Variants in PTPN3 observed in about 807,000 individuals in gnomAD.
PTPN3 encodes tyrosine-protein phosphatase non-receptor type 3.
PTPN3 carries 96 observed loss-of-function variants against 132.7 expected under a neutral mutation model. That is an observed-to-expected ratio of 0.72 (90% CI 0.61 to 0.86). The LOEUF (loss-of-function observed/expected upper bound fraction) is 0.86, where lower values mean the gene tolerates loss of function less well. Among genes scored for constraint, PTPN3 ranks in the 40% least tolerant of loss-of-function variants. The probability of loss-of-function intolerance (pLI) is 0.00; values close to 1 mark genes in which losing one functional copy is unlikely to be tolerated. For synonymous variants in PTPN3, 398 were observed against 429.0 expected (o/e 0.93, Z 0.89); for missense variants, 1,125 against 1,159.6 (o/e 0.97, Z 0.43).
At position 109,391,554 on chromosome 9, in the gene PTPN3, T is replaced by C; in HGVS notation, c.1961A>G (p.Tyr654Cys). The change falls in exon 20 of 26, where the codon TAC becomes TGC. Residue 654 changes from tyrosine (Y) to cysteine (C), a missense_variant. Transcript: ENST00000374541. ...GTVLIQFEQLYRKKPGLAITF... is the reference protein window; with the variant it reads ...GTVLIQFEQLCRKKPGLAITF... Reference sequence around the variant, plus strand: ...GATGGCCAAACCTGGCTTTTTTCTGTAGAGTTGCTATGTGAGAAATAGAGA... The same window carrying C: ...GATGGCCAAACCTGGCTTTTTTCTGCAGAGTTGCTATGTGAGAAATAGAGA... 6.2e-7 allele frequency: 1 copy of C among 1,612,720 alleles called. No individual in the cohort carries two copies. The highest frequency in any genetic ancestry group is 8.5e-7 in the Non-Finnish European group (1 of 1,179,108).
At chr9:109,452,190 C>A (rs983309980) in intron 5 of PTPN3, among the ~76,000 whole-genome samples, 2 of 149,906 alleles carry the variant, frequency 1.3e-5, no homozygotes, top group Non-Finnish European at 3.0e-5. Context: ...ATCGCTTGAA[C>A]CCGGGAGGCC....
intron 22 of PTPN3, among the ~76,000 whole-genome samples, chr9:109,383,754 G>A (rs1214704393): frequency 1.3e-5 from 2 of 152,110 alleles, no homozygotes; most frequent in African/African-American, 2.4e-5. Context: ...ACAGGTCTCC[G>A]CTCAGCCCCA....
chr9:109,470,855 C>G (rs182176082), intron 1 of PTPN3, among the ~76,000 whole-genome samples: 1 of 152,214 alleles, frequency 6.6e-6, no homozygotes, highest in East Asian at 1.9e-4. Context: ...TTAAAACTAG[C>G]GTACACAAGA....
the PTPN3 span, chr9:109,533,350 T>A: frequency 1.8e-6 from 1 of 544,266 alleles, no homozygotes; most frequent in Non-Finnish European, 3.3e-6. Flanking sequence ...TTCACCTTGT[T>A]AGCCAGGATG....
the PTPN3 span, among the ~76,000 whole-genome samples, chr9:109,538,321 A>G: frequency 6.6e-6 from 1 of 152,260 alleles, no homozygotes; most frequent in South Asian, 2.1e-4. Flanking sequence ...AATCCTTTAC[A>G]TAGCACTTAA....
At chr9:109,516,346 G>A in the PTPN3 span, among the ~76,000 whole-genome samples, 6 of 152,200 alleles carry the variant, frequency 3.9e-5, no homozygotes, top group Non-Finnish European at 5.9e-5. Flanking sequence ...GTACGAGTAC[G>A]ATACTGAGGG....
At chr9:109,468,900 A>G (rs1001981425) in intron 1 of PTPN3, among the ~76,000 whole-genome samples, 2 of 152,234 alleles carry the variant, frequency 1.3e-5, no homozygotes, top group African/African-American at 4.8e-5. Context: ...GGCAATCCTG[A>G]TTTCAAACGA....
In PTPN3 at chr9:109,462,758, G is replaced by C. The variant is rs1032220414; in HGVS notation, c.138+539C>G. On this transcript the variant is annotated intron_variant, in intron 2 of 25. Coordinates refer to ENST00000374541, the MANE Select transcript of PTPN3 (RefSeq NM_002829.4). ...CCTCCCCAAGCCCTGCCATCTGTGAGGCTGATTGTTTCACAACCCACTCAC... is the reference window on the plus strand; with the variant it reads ...CCTCCCCAAGCCCTGCCATCTGTGACGCTGATTGTTTCACAACCCACTCAC... Among the ~76,000 whole-genome samples, 4 of 152,042 alleles carry C rather than the reference G, an allele frequency of 2.6e-5. 1 individual carries two copies. Among genetic ancestry groups the C allele is most frequent in the Non-Finnish European group, 5.9e-5 (4 of 68,030 alleles).
intron 1 of PTPN3, among the ~76,000 whole-genome samples, chr9:109,490,924 C>T (rs767254156): frequency 3.3e-5 from 5 of 149,860 alleles, no homozygotes; most frequent in African/African-American, 7.4e-5. Flanking sequence ...CTAGGCCGGG[C>T]GCAGTGGCTC....
chr9:109,418,547 C>T (rs1424272615), intron 14 of PTPN3, among the ~76,000 whole-genome samples: 1 of 152,166 alleles, frequency 6.6e-6, no homozygotes, highest in Non-Finnish European at 1.5e-5. Flanking sequence ...ATGCACTTTT[C>T]GCTTGTAGAT....
At chr9:109,529,416 A>C in the PTPN3 span, among the ~76,000 whole-genome samples, 1 of 149,530 alleles carries the variant, frequency 6.7e-6, no homozygotes, top group Non-Finnish European at 1.5e-5. Context: ...TCTGAGAACC[A>C]CTGTCCGAGA....
chr9:109,437,996 G>A (rs575037945), intron 8 of PTPN3, 118 bp downstream of exon 8: 17 of 1,270,676 alleles, frequency 1.3e-5, no homozygotes, highest in African/African-American at 9.1e-5. Context: ...AAAAACCCCC[G>A]ACATCTTGAA....
intron 1 of PTPN3, 96 bp from the exon 2 acceptor site, chr9:109,463,547 T>A: frequency 8.6e-7 from 1 of 1,167,118 alleles, no homozygotes; most frequent in Admixed American, 2.6e-5. Flanking sequence ...CTCGATACTG[T>A]CTGACGGACT....
Position 109,391,118 on chromosome 9 carries a change from C to T in PTPN3, c.2106+20G>A, listed in dbSNP as rs1564380906. ...CAGTGGTGAATGTGCTCTTAAGCAT[C>T]ATCCAGATTCCTAACTTACGTTCAC... On this transcript the variant is annotated intron_variant, in intron 21 of 25. Transcript: ENST00000374541. The T allele has an allele frequency of 1.2e-6, 2 of 1,604,152 alleles. No homozygotes were observed. Among genetic ancestry groups the T allele is most frequent in the Non-Finnish European group, 1.7e-6 (2 of 1,171,410 alleles).
the PTPN3 span, among the ~76,000 whole-genome samples, chr9:109,503,551 A>G: frequency 6.6e-6 from 1 of 152,104 alleles, no homozygotes; most frequent in Non-Finnish European, 1.5e-5. Context: ...CTTAAAAAAA[A>G]TACAAAAATT....
At position 109,377,136 on chromosome 9, in the gene PTPN3, T is replaced by C. The variant is rs1158917502; in HGVS notation, c.*2420A>G. 3 of 152,266 alleles carry C rather than the reference T, an allele frequency of 2.0e-5. No individual in the cohort carries two copies. Among genetic ancestry groups the C allele is most frequent in the Non-Finnish European group, 2.9e-5 (2 of 68,058 alleles). 9.4% of individuals were successfully genotyped at this position (152,266 alleles called of 1,614,324 possible). ...AGTAATAACTTGCTAAATATCCTAA[T>C]GGCATTTAAATTTTTGCCAGCGTTC... is the stretch of plus-strand genomic sequence containing the variant. On this transcript the variant is annotated 3_prime_UTR_variant, in exon 26 of 26. Coordinates refer to ENST00000374541, the MANE Select transcript of PTPN3 (RefSeq NM_002829.4).
chr9:109,503,658 A>T, the PTPN3 span, among the ~76,000 whole-genome samples: 1 of 152,054 alleles, frequency 6.6e-6, no homozygotes, highest in African/African-American at 2.4e-5. Flanking sequence ...GCAGTGAGCC[A>T]AGATTGCACC....
intron 20 of PTPN3, 69 bp downstream of exon 20, chr9:109,391,402 A>T (rs1840077613): frequency 4.0e-6 from 6 of 1,493,910 alleles, no homozygotes; most frequent in South Asian, 1.2e-5. Flanking sequence ...AATACCAGAC[A>T]ATCTGTTTTA....
At chr9:109,515,019 G>C in the PTPN3 span, among the ~76,000 whole-genome samples, 1 of 151,950 alleles carries the variant, frequency 6.6e-6, no homozygotes, top group East Asian at 1.9e-4. Context: ...AGAGCTGGCA[G>C]ATACAAGAGG....
Sources: gnomAD v4.1 joint callset for allele counts (sites outside exome capture counted in the v4.1 genomes callset) on GRCh38, gnomAD v4.1.1 for gene constraint, MANE v1.5 for transcripts, NCBI Gene and HGNC (gene_info 2026-07-23, HGNC 2026-07-21) for gene names.